The following MFN2 variants were observed in gnomAD, a reference collection of about 807,000 sequenced individuals.
The protein encoded by MFN2 is mitofusin-2.
Under a neutral mutation model 87.5 loss-of-function variants are expected in MFN2, and 43 were observed. The ratio of observed to expected loss-of-function variants is 0.49; its 90% CI spans 0.38 to 0.63. MFN2 has a LOEUF of 0.63. MFN2 is among the 30% of genes least tolerant of loss of function. The pLI is 0.00. For synonymous variants in MFN2, 337 were observed against 359.9 expected (o/e 0.94, Z 0.72); for missense variants, 743 against 972.8 (o/e 0.76, Z 3.14).
In MFN2 at chr1:12,005,033, A is replaced by G. The variant is rs1639348518; in HGVS notation, c.1495+106A>G. Reference sequence around the variant, plus strand: ...GGACTTTCCTTATCTGTCACTTTTCATGATGATTCAACTCGATACCTTCAG... The same window carrying G: ...GGACTTTCCTTATCTGTCACTTTTCGTGATGATTCAACTCGATACCTTCAG... On this transcript the variant is annotated intron_variant, in intron 14 of 18. Transcript: ENST00000235329. The G allele has an allele frequency of 3.4e-6, 3 of 881,930 alleles. No homozygotes were observed. The South Asian group carries it at 4.3e-5, about 13-fold the overall frequency. 54.6% of individuals were successfully genotyped at this position (881,930 alleles called of 1,614,324 possible).
At chr1:11,992,142 T>C (rs1638713011) in intron 3 of MFN2, 1 of 237,020 alleles carries the variant, frequency 4.2e-6, no homozygotes. Context: ...TAAGAAAAAA[T>C]AAACAAGGAA....
At chr1:12,001,319 G>A in intron 8 of MFN2, 82 bp from the exon 9 acceptor site, 1 of 1,565,034 alleles carries the variant, frequency 6.4e-7, no homozygotes, top group Non-Finnish European at 8.7e-7. Context: ...AGCCTCTTAT[G>A]ACCTATTCTT....
intron 16 of MFN2, 49 bp downstream of exon 16, chr1:12,006,742 C>CGGGGGGGG: frequency 1.2e-5 from 10 of 821,014 alleles, no homozygotes; most frequent in African/African-American, 1.8e-5. Context: ...GGCAGGTGGG[C>CGGGGGGGG]GGGGCCTGAG....
At chr1:12,001,641 C>G in intron 9 of MFN2, 87 bp downstream of exon 9, 1 of 1,605,520 alleles carries the variant, frequency 6.2e-7, no homozygotes, top group Non-Finnish European at 8.5e-7. Flanking sequence ...GAAAATCCTT[C>G]TGAGAAGGGG....
At chr1:11,981,035 CG>C (rs1645974472) in intron 1 of MFN2, among the ~76,000 whole-genome samples, 1 of 152,164 alleles carries the variant, frequency 6.6e-6, no homozygotes, top group Non-Finnish European at 1.5e-5. Context: ...CAGAACTGCC[CG>C]TTACCCCCTC....
At position 12,003,241 on chromosome 1, in the gene MFN2, T is replaced by C. The variant is rs1639255375; in HGVS notation, c.1161-751T>C. Among the ~76,000 whole-genome samples, 1 of 152,144 alleles carries C rather than the reference T, an allele frequency of 6.6e-6. No homozygotes were observed. The highest frequency in any genetic ancestry group is 1.5e-5 in the Non-Finnish European group (1 of 68,024). ...CAGTTTTAGTCAGTTTTCTTGATGC[T>C]CTTCAGAACAGCCGTACCCATTCAT... On this transcript the variant is annotated intron_variant, in intron 11 of 18. Coordinates refer to ENST00000235329, the MANE Select transcript of MFN2 (RefSeq NM_014874.4). The surrounding 1 kb of genome is among the most constrained non-coding windows in gnomAD (Gnocchi z 4.1).
In MFN2 at chr1:12,001,833, T is replaced by G. The variant is rs927418350; in HGVS notation, c.1035T>G (p.Phe345Leu). 1.9e-6 allele frequency: 3 copies of G among 1,614,050 alleles called. No individual in the cohort carries two copies. The highest frequency in any genetic ancestry group is 2.5e-6 in the Non-Finnish European group (3 of 1,180,008). Reference protein sequence around the residue: ...MFEFQNFERRFEECISQSAVK... With the variant: ...MFEFQNFERRLEECISQSAVK... ...AGTTTCAGAATTTTGAGAGGAGATT[T>G]GAGGTGAGTCCTCTGATTCTGGTAT... The change falls in exon 10 of 19, where the codon TTT (phenylalanine) becomes TTG (leucine). Residue 345 changes from phenylalanine (F) to leucine (L), a missense_variant. Physicochemically the swap from Phe to Leu is conservative, Grantham distance 22. Transcript: ENST00000235329.
chr1:12,006,005 T>A, intron 15 of MFN2, 74 bp downstream of exon 15: 1 of 1,439,172 alleles, frequency 6.9e-7, no homozygotes, highest in Non-Finnish European at 9.7e-7. Context: ...CGGGAACCAT[T>A]CTAAAACGGG....
At position 12,011,679 on chromosome 1, in the gene MFN2, A is replaced by G; in HGVS notation, c.*114A>G. ...CTGCCCCCTGGCCACTGCCAAGAGAATGAAGCACCCAGTCTCGTACCATTT... is the reference window on the plus strand; with the variant it reads ...CTGCCCCCTGGCCACTGCCAAGAGAGTGAAGCACCCAGTCTCGTACCATTT... On this transcript the variant is annotated 3_prime_UTR_variant, in exon 19 of 19. Transcript: ENST00000235329. The G allele has an allele frequency of 1.8e-6, 2 of 1,087,562 alleles. No individual in the cohort carries two copies. The highest frequency in any genetic ancestry group is 2.8e-6 in the Non-Finnish European group (2 of 714,356). 67.4% of individuals were successfully genotyped at this position (1,087,562 alleles called of 1,614,324 possible). A position where few individuals can be genotyped will look rare whatever the true frequency, so the allele number is the denominator to read the frequency against.
chr1:11,992,131 TTAAGAAAAAATAAA>T (rs1320621133), intron 3 of MFN2: 3 of 239,384 alleles, frequency 1.3e-5, no homozygotes, highest in Non-Finnish European at 2.5e-5. Context: ...TAAATATTTG[TTAAGAAAAAATAAA>T]CAAGGAAGGC....
At chr1:11,997,987 G>C (rs1272541865) in intron 6 of MFN2, among the ~76,000 whole-genome samples, 1 of 141,478 alleles carries the variant, frequency 7.1e-6, no homozygotes, top group Non-Finnish European at 1.5e-5. Context: ...GGGTTCAAGT[G>C]ATTCTCCTGC....
chr1:11,993,323 A>G lies in MFN2; in HGVS notation c.311+633A>G, dbSNP rs370857679. Among the ~76,000 whole-genome samples the G allele has an allele frequency of 5.9e-5, 9 of 152,274 alleles. No homozygotes were observed. The East Asian group carries it at 1.7e-3, about 29-fold the overall frequency. On this transcript the variant is annotated intron_variant, in intron 4 of 18. Coordinates refer to ENST00000235329, the MANE Select transcript of MFN2 (RefSeq NM_014874.4). ...CTTAACAATTGTGCTTGTATTGTTC[A>G]TGAAAATTTCGTAAGACATTAAACA...
intron 6 of MFN2, 47 bp downstream of exon 6, chr1:11,997,468 G>A (rs1347255959): frequency 6.2e-7 from 1 of 1,612,280 alleles, no homozygotes; most frequent in Admixed American, 1.7e-5. Flanking sequence ...GAAGGCACCA[G>A]GTTTCCATTT....
intron 2 of MFN2, among the ~76,000 whole-genome samples, chr1:11,986,772 G>A (rs11576705): frequency 0.049 from 7,422 of 151,724 alleles, 221 homozygotes; most frequent in East Asian, 0.082. Flanking sequence ...TGTATTTTTA[G>A]CAGAGAAGGG....
In MFN2 at chr1:11,999,044, C is replaced by G. The variant is rs376327713; in HGVS notation, c.765C>G (p.Ile255Met). Residue 255 changes from isoleucine to methionine, a missense_variant, in exon 8 of 19, where the codon ATC becomes ATG. Coordinates refer to ENST00000235329, the MANE Select transcript of MFN2 (RefSeq NM_014874.4). ...GTCTCTCCCGGCCAAACATCTTCAT[C>G]CTGAACAACCGCTGGGATGCATCTG... ...SERLSRPNIF[I>M]LNNRWDASAS... The G allele has an allele frequency of 4.3e-6, 7 of 1,614,114 alleles. No individual in the cohort carries two copies. The highest frequency in any genetic ancestry group is 5.9e-6 in the Non-Finnish European group (7 of 1,180,054).
rs540183905 is a variant in MFN2, at chr1:12,007,088, C to G, written c.1908C>G (p.Leu636=). The stretch of plus-strand genomic sequence containing the variant: ...CAGTGGGCTGGCGGCTCATTGCCCT[C>G]TCCTTTGGGCTCTATGGCCTCCTCT... ...WKAVGWRLIA[L]SFGLYGLLYV... The change falls in exon 17 of 19, where the codon CTC becomes CTG. Residue 636 remains leucine, a synonymous_variant. Transcript: ENST00000235329. The G allele has an allele frequency of 3.1e-6, 5 of 1,614,156 alleles. No individual in the cohort carries two copies. In the African/African-American group the frequency reaches 5.3e-5, roughly 17 times the overall value.
chr1:11,993,053 G>T (rs778005825), intron 4 of MFN2, among the ~76,000 whole-genome samples: 15 of 151,048 alleles, frequency 9.9e-5, no homozygotes, highest in Non-Finnish European at 2.1e-4. Context: ...CAATTCACTA[G>T]TAGGTATATT....
intron 2 of MFN2, among the ~76,000 whole-genome samples, chr1:11,984,051 C>T (rs1638285466): frequency 6.6e-6 from 1 of 152,220 alleles, no homozygotes. Context: ...ACCGGCTGAA[C>T]TCCCAGCAGA....
Position 12,007,167 on chromosome 1 carries a change from C to G in MFN2, c.1987C>G (p.Arg663Gly), listed in dbSNP as rs369762154. 1.2e-6 allele frequency: 2 copies of G among 1,614,192 alleles called. No individual in the cohort carries two copies. Among genetic ancestry groups the G allele is most frequent in the South Asian group, 1.1e-5 (1 of 91,082 alleles). ...CAAGGCCAAGGAGAGGGCCTTCAAG[C>G]GCCAGTTTGTGGAGCATGCCAGCGA... ...TTKAKERAFKRQFVEHASEKL... is the reference protein window; with the variant it reads ...TTKAKERAFKGQFVEHASEKL... The change falls in exon 17 of 19, where the codon CGC becomes GGC. Residue 663 changes from arginine to glycine, a missense_variant. Coordinates refer to ENST00000235329, the MANE Select transcript of MFN2 (RefSeq NM_014874.4).
Sources: allele counts gnomAD v4.1 joint callset (sites outside exome capture counted in the v4.1 genomes callset), GRCh38; gene constraint gnomAD v4.1.1; non-coding constraint Gnocchi (gnomAD v3.1); transcripts MANE v1.5; gene names NCBI Gene and HGNC (gene_info 2026-07-23, HGNC 2026-07-21).